The following TRRAP variants were observed in gnomAD, a reference collection of about 807,000 sequenced individuals.
TRRAP encodes the protein transformation/transcription domain associated protein, also known as transformation/transcription domain-associated protein.
Under a neutral mutation model 438.8 loss-of-function variants are expected in TRRAP, and 41 were observed. The ratio of observed to expected loss-of-function variants is 0.09; its 90% CI spans 0.07 to 0.12. The LOEUF (loss-of-function observed/expected upper bound fraction) is 0.12, where lower values mean the gene tolerates loss of function less well. Ranked by LOEUF, TRRAP falls within the 10% of genes least tolerant of loss-of-function variation. TRRAP has a pLI of 1.00. For synonymous variants in TRRAP, 1,994 were observed against 1,962.9 expected (o/e 1.02, Z -0.42); for missense variants, 3,122 against 5,055.1 (o/e 0.62, Z 11.60).
At chr7:98,945,476 T>A (rs1345283591) in intron 31 of TRRAP, among the ~76,000 whole-genome samples, 1 of 152,246 alleles carries the variant, frequency 6.6e-6, no homozygotes, top group South Asian at 2.1e-4. Flanking sequence ...TTTCTCCCCT[T>A]TCACAAGAAT....
At chr7:98,913,299 GT>G (rs1268056588) in intron 18 of TRRAP, among the ~76,000 whole-genome samples, 1 of 150,950 alleles carries the variant, frequency 6.6e-6, no homozygotes, top group Non-Finnish European at 1.5e-5. Flanking sequence ...TGCTTTTTTT[GT>G]TTTTTTGGGT....
intron 45 of TRRAP, 142 bp from the exon 46 acceptor site, chr7:98,961,119 C>G (rs543408767): frequency 1.4e-6 from 1 of 698,720 alleles, no homozygotes; most frequent in Admixed American, 2.4e-5. Context: ...TTGTGAAATA[C>G]GATTGTCATT....
At chr7:98,918,031 G>A (rs1315763605) in intron 20 of TRRAP, among the ~76,000 whole-genome samples, 1 of 151,420 alleles carries the variant, frequency 6.6e-6, no homozygotes, top group Admixed American at 6.6e-5. Flanking sequence ...GAGGCAGGGG[G>A]ATCACCTGAG....
chr7:98,907,597 G>A lies in TRRAP; in HGVS notation c.1116-1131G>A, dbSNP rs116488458. Among the ~76,000 whole-genome samples, 600 of 152,290 alleles carry A rather than the reference G, an allele frequency of 3.9e-3. 10 individuals are homozygous for A. The highest frequency in any genetic ancestry group is 0.013 in the African/African-American group (557 of 41,564). On this transcript the variant is annotated intron_variant, in intron 13 of 72. Transcript: ENST00000456197. ...ACGTTAGATTATGTTACTCCTGCTC[G>A]AAGCCCTCCAGTGGCTTTCTGTAGT... is the stretch of plus-strand genomic sequence containing the variant.
chr7:98,881,654 C>T, intron 2 of TRRAP: 1 of 310,236 alleles, frequency 3.2e-6, no homozygotes, highest in Non-Finnish European at 6.0e-6. Flanking sequence ...TTAATCGTAA[C>T]AGTAACTTTT....
chr7:98,911,900 A>G (rs1405913181), intron 17 of TRRAP, 122 bp from the exon 18 acceptor site: 4 of 864,100 alleles, frequency 4.6e-6, no homozygotes, highest in African/African-American at 3.4e-5. Context: ...TTGGTGGATA[A>G]TTAAATTTCT....
intron 10 of TRRAP, among the ~76,000 whole-genome samples, chr7:98,900,163 A>C: frequency 6.7e-6 from 1 of 149,836 alleles, no homozygotes; most frequent in Non-Finnish European, 1.5e-5. Context: ...TCATCCTTTG[A>C]AGCCTCTCGG....
Position 99,011,475 on chromosome 7 carries a change from C to T in TRRAP, c.11277C>T (p.Ser3759=), listed in dbSNP as rs374774886. 2.0e-5 allele frequency: 32 copies of T among 1,614,174 alleles called. No homozygotes were observed. The highest frequency in any genetic ancestry group is 4.5e-5 in the East Asian group (2 of 44,898). ...AGTTTCTGACCACCATCGGGGTCTCCGGCCCGTTGACAGCGTCCATGATTG... is the reference window on the plus strand; with the variant it reads ...AGTTTCTGACCACCATCGGGGTCTCTGGCCCGTTGACAGCGTCCATGATTG... The part of the protein sequence containing the change: ...ISEFLTTIGV[S]GPLTASMIAV... Residue 3759 remains serine (S), a synonymous_variant, in exon 72 of 73, where the codon TCC becomes TCT. Coordinates refer to ENST00000456197, the MANE Select transcript of TRRAP (RefSeq NM_001375524.1). The surrounding 1 kb of genome is among the most constrained non-coding windows in gnomAD (Gnocchi z 7.1).
At chr7:98,929,453 A>G (rs1790221611) in intron 23 of TRRAP, among the ~76,000 whole-genome samples, 1 of 152,206 alleles carries the variant, frequency 6.6e-6, no homozygotes, top group Non-Finnish European at 1.5e-5. Context: ...TATGATTGAG[A>G]TACATGAAAA....
intron 39 of TRRAP, 88 bp from the exon 40 acceptor site, chr7:98,953,072 TGTGTGTG>T: frequency 6.6e-5 from 73 of 1,100,184 alleles, no homozygotes; most frequent in African/African-American, 5.8e-4. Flanking sequence ...TGTGTGTGTG[TGTGTGTG>T]TTTTTAAGGC....
chr7:98,969,214 T>G (rs1235985885), intron 51 of TRRAP, among the ~76,000 whole-genome samples: 1 of 152,198 alleles, frequency 6.6e-6, no homozygotes, highest in East Asian at 1.9e-4. Context: ...GTGCGTGGCA[T>G]AAAATCCAGC....
chr7:98,905,621 G>A (rs1012754282), intron 12 of TRRAP, among the ~76,000 whole-genome samples: 2 of 152,272 alleles, frequency 1.3e-5, no homozygotes, highest in South Asian at 2.1e-4. Flanking sequence ...CCACCTGCAG[G>A]AATAGAGCAA....
At chr7:98,938,428 C>G (rs530647236) in intron 30 of TRRAP, among the ~76,000 whole-genome samples, 1 of 152,324 alleles carries the variant, frequency 6.6e-6, no homozygotes, top group East Asian at 1.9e-4. Context: ...CCCTCCCACC[C>G]TGTCCTCCAG....
chr7:98,881,051 C>T, intron 1 of TRRAP, 39 bp from the exon 2 acceptor site: 4 of 863,358 alleles, frequency 4.6e-6, no homozygotes, highest in Non-Finnish European at 7.0e-6. Flanking sequence ...TGATCCTGTG[C>T]CCTCCATAAA....
intron 52 of TRRAP, 116 bp downstream of exon 52, chr7:98,970,407 A>C: frequency 1.5e-6 from 2 of 1,312,146 alleles, no homozygotes; most frequent in Non-Finnish European, 2.1e-6. Context: ...AATCCCAGAG[A>C]GGAGGTGAGG....
intron 28 of TRRAP, among the ~76,000 whole-genome samples, 189 bp downstream of exon 28, chr7:98,935,864 GTGT>G (rs1472324396): frequency 2.0e-5 from 3 of 152,208 alleles, no homozygotes; most frequent in African/African-American, 7.2e-5. Flanking sequence ...AAAATTACAT[GTGT>G]TGTTAGGATT....
chr7:98,984,373 CT>C lies in TRRAP; in HGVS notation c.9288+17del. 6.5e-7 allele frequency: 1 copy of C among 1,530,036 alleles called. No individual in the cohort carries two copies. Among genetic ancestry groups the C allele is most frequent in the Non-Finnish European group, 8.8e-7 (1 of 1,136,998 alleles). The allele number at this position is 1,530,036 out of a possible 1,614,324, so 94.8% of individuals were successfully genotyped here. A position where few individuals can be genotyped will look rare whatever the true frequency, so the allele number is the denominator to read the frequency against. ...AGTGCATGCAGGTGCGGACAGGACA[CT>C]TGAAGAATGAGGCCAGGTGGAGATT... On this transcript the variant is annotated intron_variant, in intron 61 of 72. Transcript: ENST00000456197.
chr7:98,880,346 C>G (rs1401470718), intron 1 of TRRAP, among the ~76,000 whole-genome samples: 1 of 147,508 alleles, frequency 6.8e-6, no homozygotes, highest in Non-Finnish European at 1.5e-5. Context: ...TCACTGCAAT[C>G]TCCACCTCCT....
chr7:98,987,690 T>C (rs1209199507), intron 62 of TRRAP, among the ~76,000 whole-genome samples: 1 of 152,236 alleles, frequency 6.6e-6, no homozygotes, highest in Non-Finnish European at 1.5e-5. Flanking sequence ...TTCTTCCCAA[T>C]TGCCCTGACT....
Sources: gnomAD v4.1 joint callset for allele counts (sites outside exome capture counted in the v4.1 genomes callset) on GRCh38, gnomAD v4.1.1 for gene constraint, Gnocchi (gnomAD v3.1) non-coding constraint, MANE v1.5 for transcripts, NCBI Gene and HGNC (gene_info 2026-07-23, HGNC 2026-07-21) for gene names.